Variants in DCC observed in about 807,000 individuals in gnomAD.
The protein encoded by DCC is netrin receptor DCC.
Under a neutral mutation model 172.5 loss-of-function variants are expected in DCC, and 58 were observed. The observed-to-expected ratio is 0.34, with a 90% CI of 0.27 to 0.42. DCC has a LOEUF of 0.42. DCC is among the 10% of genes least tolerant of loss of function. The probability of loss-of-function intolerance (pLI) is 1.00; values close to 1 mark genes in which losing one functional copy is unlikely to be tolerated. For missense variants in DCC, 1,740 were observed against 1,791.0 expected, an observed-to-expected ratio of 0.97 and a Z score of 0.51; for synonymous variants, 709 against 644.5, an observed-to-expected ratio of 1.10 and a Z score of -1.52.
intron 1 of DCC, among the ~76,000 whole-genome samples, chr18:52,610,163 AAAAAAAAAAAAAAAAATATATAT>A (rs2034226497): frequency 5.3e-4 from 10 of 19,026 alleles, no homozygotes; most frequent in African/African-American, 2.4e-3. Context: ...AAAAAAAAAA[AAAAAAAAAAAAAAAAATATATAT>A]ATATATATAT....
chr18:53,243,405 G>C (rs2056328132), intron 12 of DCC, among the ~76,000 whole-genome samples: 2 of 152,114 alleles, frequency 1.3e-5, no homozygotes, highest in African/African-American at 4.8e-5. Context: ...CACGTTTTAA[G>C]GATCTCCTTG....
At chr18:52,517,219 A>G (rs936782462) in intron 1 of DCC, among the ~76,000 whole-genome samples, 9 of 152,212 alleles carry the variant, frequency 5.9e-5, no homozygotes, top group Non-Finnish European at 1.2e-4. Flanking sequence ...TCTGTTCTAG[A>G]TGAAATTATT....
At chr18:53,048,602 T>G (rs764838074) in intron 5 of DCC, among the ~76,000 whole-genome samples, 12 of 150,930 alleles carry the variant, frequency 8.0e-5, no homozygotes, top group Non-Finnish European at 1.8e-4. Context: ...TATACATACA[T>G]GTATAAAAAA....
intron 2 of DCC, among the ~76,000 whole-genome samples, chr18:52,883,292 T>C (rs970149942): frequency 6.6e-6 from 1 of 151,870 alleles, no homozygotes; most frequent in African/African-American, 2.4e-5. Context: ...CCTGTCACTT[T>C]GTTATTTGTT....
intron 21 of DCC, among the ~76,000 whole-genome samples, chr18:53,423,870 A>C (rs1182421840): frequency 6.6e-6 from 1 of 152,202 alleles, no homozygotes; most frequent in Admixed American, 6.5e-5. Flanking sequence ...CATAACACAA[A>C]TGTTTGGGGA....
chr18:52,524,139 G>T (rs977564182), intron 1 of DCC, among the ~76,000 whole-genome samples: 9 of 152,066 alleles, frequency 5.9e-5, no homozygotes, highest in African/African-American at 2.2e-4. Context: ...ATTTCAACTA[G>T]CTGCTTCTGA....
At chr18:52,959,036 C>T (rs1034008220) in intron 5 of DCC, among the ~76,000 whole-genome samples, 4 of 151,996 alleles carry the variant, frequency 2.6e-5, no homozygotes, top group South Asian at 4.2e-4. Flanking sequence ...TTTGTGTGGC[C>T]GAAGACAGTT....
At chr18:52,490,054 T>C (rs1169674061) in intron 1 of DCC, among the ~76,000 whole-genome samples, 1 of 152,106 alleles carries the variant, frequency 6.6e-6, no homozygotes, top group Non-Finnish European at 1.5e-5. Context: ...TTTTTTGAAG[T>C]TCCCAGGAGA....
At chr18:52,795,246 A>G (rs117922122) in intron 2 of DCC, among the ~76,000 whole-genome samples, 9 of 152,178 alleles carry the variant, frequency 5.9e-5, no homozygotes, top group Non-Finnish European at 1.2e-4. Flanking sequence ...AATTAAAGCC[A>G]TTCAGTCCTG....
At position 53,351,519 on chromosome 18, in the gene DCC, A is replaced by G. The variant is rs564713356; in HGVS notation, c.2359+11612A>G. ...TGTATATATATATATATATAATTGGAATATATGTGTCATTGGAAATCTCCA... is the reference window on the plus strand; with the variant it reads ...TGTATATATATATATATATAATTGGGATATATGTGTCATTGGAAATCTCCA... On this transcript the variant is annotated intron_variant, in intron 15 of 28. Transcript: ENST00000442544. 3.5e-4 allele frequency among the ~76,000 whole-genome samples: 42 copies of G among 120,116 alleles called. 1 individual carries two copies. The highest frequency in any genetic ancestry group is 1.2e-3 in the African/African-American group (40 of 32,332). The allele number at this position is 120,116 out of a possible 152,430, so 78.8% of individuals were successfully genotyped here.
chr18:53,245,248 T>C (rs1031071888), intron 12 of DCC, among the ~76,000 whole-genome samples: 2 of 152,126 alleles, frequency 1.3e-5, no homozygotes, highest in African/African-American at 4.8e-5. Context: ...GTCATCTGCT[T>C]TATATATTGT....
chr18:53,036,800 G>A (rs1568260745), intron 5 of DCC, among the ~76,000 whole-genome samples: 1 of 151,994 alleles, frequency 6.6e-6, no homozygotes. Flanking sequence ...GTTGGTGTAA[G>A]CAATATTGGA....
chr18:52,783,553 A>T (rs2037595338), intron 2 of DCC, among the ~76,000 whole-genome samples: 1 of 151,628 alleles, frequency 6.6e-6, no homozygotes, highest in African/African-American at 2.4e-5. Flanking sequence ...AAGACATTGT[A>T]GTGTTTAAAA....
chr18:52,933,338 G>A (rs571343011), intron 5 of DCC, among the ~76,000 whole-genome samples: 24 of 151,836 alleles, frequency 1.6e-4, no homozygotes, highest in Non-Finnish European at 3.1e-4. Flanking sequence ...TAACAAGGCC[G>A]AAGAGCTGTT....
chr18:53,332,804 CT>C (rs2057545228), intron 14 of DCC, among the ~76,000 whole-genome samples: 1 of 10,018 alleles, frequency 1.0e-4, no homozygotes, highest in Non-Finnish European at 4.5e-3. Context: ...ACCCATAGAG[CT>C]ATTACCACTA....
chr18:53,475,199 T>G (rs2045747243), intron 25 of DCC, among the ~76,000 whole-genome samples: 1 of 152,166 alleles, frequency 6.6e-6, no homozygotes, highest in African/African-American at 2.4e-5. Flanking sequence ...GAATAAAAAT[T>G]CAGAAAATTT....
intron 1 of DCC, among the ~76,000 whole-genome samples, chr18:52,445,292 C>T (rs937235005): frequency 1.1e-4 from 16 of 152,068 alleles, no homozygotes; most frequent in African/African-American, 3.4e-4. Flanking sequence ...CAGTGGTTAC[C>T]ACAGCCTCTG....
rs35414902 is a variant in DCC, at chr18:53,395,150, C to CA, written c.2689-2141dup. Among the ~76,000 whole-genome samples, 951 of 125,214 alleles carry CA rather than the reference C, an allele frequency of 7.6e-3. 20 individuals are homozygous for CA. The highest frequency in any genetic ancestry group is 0.027 in the Admixed American group (322 of 12,108). The allele number at this position is 125,214 out of a possible 152,430, so 82.1% of individuals were successfully genotyped here. Reference sequence around the variant, plus strand: ...GAGTGACAAGCACGAAACTCCATCTCAAAAAAAAAAAAAAAAAGTAAGGCT... The same window carrying CA: ...GAGTGACAAGCACGAAACTCCATCTCAAAAAAAAAAAAAAAAAAGTAAGGCT... On this transcript the variant is annotated intron_variant, in intron 17 of 28. Transcript: ENST00000442544.
intron 15 of DCC, among the ~76,000 whole-genome samples, chr18:53,376,117 C>T (rs1180923057): frequency 2.0e-5 from 3 of 152,082 alleles, no homozygotes; most frequent in East Asian, 3.9e-4. Context: ...TCAAGCCAGA[C>T]GCGGTGACGT....
Sources: allele counts gnomAD v4.1 joint callset (sites outside exome capture counted in the v4.1 genomes callset), GRCh38; gene constraint gnomAD v4.1.1; transcripts MANE v1.5; gene names NCBI Gene and HGNC (gene_info 2026-07-23, HGNC 2026-07-21).